The following NDUFS1 variants were observed in gnomAD, a reference collection of about 807,000 sequenced individuals.
NDUFS1 encodes the protein NADH:ubiquinone oxidoreductase core subunit S1.
NDUFS1 carries 61 observed loss-of-function variants against 84.4 expected under a neutral mutation model. That is an observed-to-expected ratio of 0.72 (90% CI 0.59 to 0.89). The LOEUF (loss-of-function observed/expected upper bound fraction) is 0.89. NDUFS1 is among the 40% of genes least tolerant of loss of function. The pLI is 0.00. For synonymous variants in NDUFS1, 275 were observed against 290.0 expected, an observed-to-expected ratio of 0.95 and a Z score of 0.53; for missense variants, 891 against 890.0, an observed-to-expected ratio of 1.00 and a Z score of -0.01.
intron 9 of NDUFS1, 109 bp from the exon 10 acceptor site, chr2:206,144,241 C>T: frequency 1.2e-6 from 1 of 803,824 alleles, no homozygotes; most frequent in East Asian, 2.6e-5. Context: ...GTTAAAGTGT[C>T]AAATATCTAA....
chr2:206,143,903 A>T, intron 10 of NDUFS1, 115 bp downstream of exon 10: 1 of 837,580 alleles, frequency 1.2e-6, no homozygotes, highest in East Asian at 2.6e-5. Flanking sequence ...AAGGAGATTA[A>T]ATCATAATCT....
chr2:206,119,430 G>C lies in NDUFS1; in HGVS notation c.*4755C>G, dbSNP rs1211730158. 1 of 151,990 alleles carries C rather than the reference G, an allele frequency of 6.6e-6. No individual in the cohort carries two copies. Among genetic ancestry groups the C allele is most frequent in the African/African-American group, 2.4e-5 (1 of 41,358 alleles). The allele number at this position is 151,990 out of a possible 1,614,324, so 9.4% of individuals were successfully genotyped here. A position where few individuals can be genotyped will look rare whatever the true frequency, so the allele number is the denominator to read the frequency against. ...ATTTTTTAATTTTTACTTTTTTTCAGACAGAGTCTCACTCTGTCACCCAGG... is the reference window on the plus strand; with the variant it reads ...ATTTTTTAATTTTTACTTTTTTTCACACAGAGTCTCACTCTGTCACCCAGG... On this transcript the variant is annotated 3_prime_UTR_variant, in exon 19 of 19. Transcript: ENST00000233190.
chr2:206,141,846 T>C, intron 12 of NDUFS1, 95 bp downstream of exon 12: 1 of 1,047,660 alleles, frequency 9.5e-7, no homozygotes, highest in Admixed American at 2.3e-5. Context: ...GGAGTCTCAC[T>C]ACCACTAACA....
At position 206,156,883 on chromosome 2, in the gene NDUFS1, T is replaced by G. The variant is rs139700763; in HGVS notation, c.-5+2458A>C. On this transcript the variant is annotated intron_variant, in intron 1 of 18. Coordinates refer to ENST00000233190, the MANE Select transcript of NDUFS1 (RefSeq NM_005006.7). The stretch of plus-strand genomic sequence containing the variant: ...GAGGAAAACAATACTTCCTAGACAA[T>G]GAGCTATTAGTAGGGGCTCAACAAA... Among the ~76,000 whole-genome samples the G allele has an allele frequency of 1.8e-4, 28 of 152,328 alleles. No individual in the cohort carries two copies. The East Asian group carries it at 5.2e-3, about 28-fold the overall frequency.
intron 3 of NDUFS1, 123 bp downstream of exon 3, chr2:206,152,296 T>C: frequency 1.3e-6 from 1 of 744,012 alleles, no homozygotes; most frequent in Non-Finnish European, 2.3e-6. Context: ...ATAATTTTAA[T>C]ATAACTTTGC....
chr2:206,142,107 A>C lies in NDUFS1; in HGVS notation c.1134-38T>G, dbSNP rs778002455. Reference sequence around the variant, plus strand: ...TATATAAAATGCAAATTTACTTTAAAATTAAGACATACAGAGAATCCATGA... The same window carrying C: ...TATATAAAATGCAAATTTACTTTAACATTAAGACATACAGAGAATCCATGA... On this transcript the variant is annotated intron_variant, in intron 11 of 18. Coordinates refer to ENST00000233190, the MANE Select transcript of NDUFS1 (RefSeq NM_005006.7). The C allele has an allele frequency of 5.3e-6, 8 of 1,519,698 alleles. No individual in the cohort carries two copies. The South Asian group carries it at 9.0e-5, about 17-fold the overall frequency. 94.1% of individuals were successfully genotyped at this position (1,519,698 alleles called of 1,614,324 possible). A position where few individuals can be genotyped will look rare whatever the true frequency, so the allele number is the denominator to read the frequency against.
chr2:206,129,816 TCCTGA>T (rs1691435168), intron 15 of NDUFS1, among the ~76,000 whole-genome samples: 1 of 152,078 alleles, frequency 6.6e-6, no homozygotes, highest in South Asian at 2.1e-4. Flanking sequence ...GGTCTTGAAC[TCCTGA>T]CCTCAGGTGA....
chr2:206,144,368 CAA>C (rs1017016138), intron 9 of NDUFS1, among the ~76,000 whole-genome samples: 4 of 151,868 alleles, frequency 2.6e-5, no homozygotes, highest in Non-Finnish European at 4.4e-5. Flanking sequence ...TTAAATCATA[CAA>C]AAAAAAGTTT....
At position 206,123,350 on chromosome 2, in the gene NDUFS1, A is replaced by G. The variant is rs1691161205; in HGVS notation, c.*835T>C. 1 of 150,964 alleles carries G rather than the reference A, an allele frequency of 6.6e-6. No individual in the cohort carries two copies. The highest frequency in any genetic ancestry group is 2.4e-5 in the African/African-American group (1 of 41,100). The allele number at this position is 150,964 out of a possible 1,614,324, so 9.4% of individuals were successfully genotyped here. A position where few individuals can be genotyped will look rare whatever the true frequency, so the allele number is the denominator to read the frequency against. On this transcript the variant is annotated 3_prime_UTR_variant, in exon 19 of 19. Coordinates refer to ENST00000233190, the MANE Select transcript of NDUFS1 (RefSeq NM_005006.7). Reference sequence around the variant, plus strand: ...CATGTATAACTTATAAAAAAAAAAAAGCCACATAAATCACCATGACATTAT... The same window carrying G: ...CATGTATAACTTATAAAAAAAAAAAGGCCACATAAATCACCATGACATTAT...
Position 206,138,532 on chromosome 2 carries a change from G to A in NDUFS1, c.1345C>T (p.Pro449Ser), listed in dbSNP as rs745926990. Reference protein sequence around the residue: ...TYTYDHLGDSPKILQDIASGS... With the variant: ...TYTYDHLGDSSKILQDIASGS... Reference sequence around the variant, plus strand: ...GAAGCAATGTCTTGAAGAATTTTGGGGGAGTCTCCCAGGTGGTCATATGTG... The same window carrying A: ...GAAGCAATGTCTTGAAGAATTTTGGAGGAGTCTCCCAGGTGGTCATATGTG... Residue 449 changes from proline (P) to serine (S), a missense_variant, in exon 13 of 19, where the codon CCC becomes TCC. Physicochemically the swap from Pro to Ser is moderately conservative, Grantham distance 74 (BLOSUM62 -1). Coordinates refer to ENST00000233190, the MANE Select transcript of NDUFS1 (RefSeq NM_005006.7). 6.2e-7 allele frequency: 1 copy of A among 1,614,088 alleles called. No individual in the cohort carries two copies. Among genetic ancestry groups the A allele is most frequent in the East Asian group, 2.2e-5 (1 of 44,874 alleles).
At chr2:206,140,857 A>T (rs1432122146) in intron 12 of NDUFS1, among the ~76,000 whole-genome samples, 2 of 151,474 alleles carry the variant, frequency 1.3e-5, no homozygotes, top group Admixed American at 1.3e-4. Flanking sequence ...AAAGGGCACC[A>T]TGTCCACCAG....
chr2:206,143,215 G>A (rs1348218131), intron 10 of NDUFS1, among the ~76,000 whole-genome samples: 1 of 152,122 alleles, frequency 6.6e-6, no homozygotes, highest in Admixed American at 6.6e-5. Context: ...TCGAGATCGC[G>A]CCACCGCACT....
chr2:206,152,499 C>T lies in NDUFS1; in HGVS notation c.73G>A (p.Ala25Thr). The T allele has an allele frequency of 1.9e-6, 3 of 1,614,002 alleles. No homozygotes were observed. Among genetic ancestry groups the T allele is most frequent in the Non-Finnish European group, 2.5e-6 (3 of 1,179,924 alleles). The change falls in exon 3 of 19, where the codon GCC (alanine) becomes ACC (threonine). Residue 25 changes from alanine (A) to threonine (T), a missense_variant. Physicochemically the swap from Ala to Thr is moderately conservative, Grantham distance 58. Coordinates refer to ENST00000233190, the MANE Select transcript of NDUFS1 (RefSeq NM_005006.7). The stretch of plus-strand genomic sequence containing the variant: ...TCAATCAAGTTGCTTGCTGCTGTGG[C>T]AGTTGTTCGAACTGACCATCAAAGA... Reference protein sequence around the residue: ...KSPKGCVRTTATAASNLIEVF... With the variant: ...KSPKGCVRTTTTAASNLIEVF...
chr2:206,144,277 A>C lies in NDUFS1; in HGVS notation c.873-145T>G. On this transcript the variant is annotated intron_variant, in intron 9 of 18. Transcript: ENST00000233190. ...ACACCTAGATACAAGTAATTATTCCAGATATTTTTAGAGATGAACTAATAG... is the reference window on the plus strand; with the variant it reads ...ACACCTAGATACAAGTAATTATTCCCGATATTTTTAGAGATGAACTAATAG... The C allele has an allele frequency of 6.2e-6, 4 of 644,768 alleles. No individual in the cohort carries two copies. The East Asian group carries it at 1.1e-4, about 18-fold the overall frequency. The allele number at this position is 644,768 out of a possible 1,614,324, so 39.9% of individuals were successfully genotyped here.
Position 206,122,072 on chromosome 2 carries a change from T to TATCACTGAGGAGGATAAG in NDUFS1, c.*2095_*2112dup, listed in dbSNP as rs776771716. On this transcript the variant is annotated 3_prime_UTR_variant, in exon 19 of 19. Coordinates refer to ENST00000233190, the MANE Select transcript of NDUFS1 (RefSeq NM_005006.7). ...AGGCAAAGCACACAACTTCATGATGTATCACTGAGGAGGATAAGATAAACA... is the reference window on the plus strand; with the variant it reads ...AGGCAAAGCACACAACTTCATGATGTATCACTGAGGAGGATAAGATCACTGAGGAGGATAAGATAAACA... 5.3e-5 allele frequency: 8 copies of TATCACTGAGGAGGATAAG among 152,194 alleles called. No homozygotes were observed. Among genetic ancestry groups the TATCACTGAGGAGGATAAG allele is most frequent in the Non-Finnish European group, 1.0e-4 (7 of 68,044 alleles). 9.4% of individuals were successfully genotyped at this position (152,194 alleles called of 1,614,324 possible).
intron 13 of NDUFS1, among the ~76,000 whole-genome samples, chr2:206,137,673 G>A (rs976824975): frequency 7.2e-5 from 11 of 151,862 alleles, no homozygotes; most frequent in Non-Finnish European, 1.6e-4. Context: ...AAGAACTCAA[G>A]GAATACAGGC....
chr2:206,137,589 G>T (rs1034768802), intron 13 of NDUFS1, among the ~76,000 whole-genome samples: 2 of 151,724 alleles, frequency 1.3e-5, no homozygotes, highest in African/African-American at 4.8e-5. Flanking sequence ...AGAAAGGGGG[G>T]AAAAAAAAGT....
In NDUFS1 at chr2:206,121,217, C is replaced by T. The variant is rs1678026250; in HGVS notation, c.*2968G>A. ...TCACCTAAAGAGACTTGATCTTGAG[C>T]CTTTGTAGATTTTCTCATTGGTGAT... On this transcript the variant is annotated 3_prime_UTR_variant, in exon 19 of 19. Transcript: ENST00000233190. The T allele has an allele frequency of 6.6e-6, 1 of 152,040 alleles. No individual in the cohort carries two copies. Among genetic ancestry groups the T allele is most frequent in the Non-Finnish European group, 1.5e-5 (1 of 67,994 alleles). The allele number at this position is 152,040 out of a possible 1,614,324, so 9.4% of individuals were successfully genotyped here.
chr2:206,127,159 G>T (rs1691324753), intron 16 of NDUFS1, among the ~76,000 whole-genome samples: 2 of 152,192 alleles, frequency 1.3e-5, no homozygotes, highest in African/African-American at 4.8e-5. Flanking sequence ...TTAAAAGTCA[G>T]GATGCTTACT....
Sources: allele counts gnomAD v4.1 joint callset (sites outside exome capture counted in the v4.1 genomes callset), GRCh38; gene constraint gnomAD v4.1.1; transcripts MANE v1.5; gene names NCBI Gene and HGNC (gene_info 2026-07-23, HGNC 2026-07-21).